The following NPAS3 variants were observed in gnomAD, a reference collection of about 807,000 sequenced individuals.
NPAS3 encodes the protein neuronal PAS domain protein 3.
A neutral mutation model predicts 73.1 loss-of-function variants in NPAS3; 14 were observed. The ratio of observed to expected loss-of-function variants is 0.19; its 90% CI spans 0.13 to 0.30. The LOEUF (loss-of-function observed/expected upper bound fraction) is 0.30. Among genes scored for constraint, NPAS3 ranks in the 10% least tolerant of loss-of-function variants. NPAS3 has a pLI of 1.00. For synonymous variants in NPAS3, 620 were observed against 541.5 expected (o/e 1.14, Z -2.01); for missense variants, 1,096 against 1,250.0 (o/e 0.88, Z 1.86).
intron 3 of NPAS3, among the ~76,000 whole-genome samples, chr14:33,227,945 A>G (rs1027206693): frequency 2.0e-5 from 3 of 152,136 alleles, no homozygotes; most frequent in Non-Finnish European, 2.9e-5. Flanking sequence ...CCTGAGTTCA[A>G]ATCTTTGGGA....
chr14:33,778,630 T>C (rs2062892559), intron 9 of NPAS3, 58 bp downstream of exon 9: 2 of 1,193,518 alleles, frequency 1.7e-6, no homozygotes, highest in Non-Finnish European at 2.5e-6. Context: ...CTCTGAGGCT[T>C]GTTTGGTTTC....
Position 33,699,629 on chromosome 14 carries a change from C to T in NPAS3, c.733+23244C>T, listed in dbSNP as rs139592424. On this transcript the variant is annotated intron_variant, in intron 6 of 11. Coordinates refer to ENST00000356141, the Ensembl canonical transcript of NPAS3. ...CATTCAATGCTGAAACCCTTTGCCT[C>T]GGCCAGAGTAATTAGAACTGTAATT... is the stretch of plus-strand genomic sequence containing the variant. 3.5e-3 allele frequency among the ~76,000 whole-genome samples: 526 copies of T among 152,274 alleles called. 4 individuals carry two copies. The highest frequency in any genetic ancestry group is 0.011 in the African/African-American group (453 of 41,550).
At chr14:33,131,244 T>C (rs745962146) in intron 2 of NPAS3, among the ~76,000 whole-genome samples, 5 of 152,162 alleles carry the variant, frequency 3.3e-5, no homozygotes, top group Non-Finnish European at 7.4e-5. Context: ...CATTAGGTCA[T>C]CTACTTGTAA....
chr14:33,311,171 T>G (rs2042986763), intron 3 of NPAS3, among the ~76,000 whole-genome samples: 1 of 152,128 alleles, frequency 6.6e-6, no homozygotes, highest in South Asian at 2.1e-4. Context: ...TGGGGTATTC[T>G]CTGGATGTTT....
At position 33,148,976 on chromosome 14, in the gene NPAS3, G is replaced by A. The variant is rs548307833; in HGVS notation, c.141-66206G>A. On this transcript the variant is annotated intron_variant, in intron 2 of 11. Coordinates refer to ENST00000356141, the Ensembl canonical transcript of NPAS3. ...TGCTAAGATACAGCTAGGATACCCC[G>A]CGAGCCACCGGGCCTGGCCTGGCCT... is the stretch of plus-strand genomic sequence containing the variant. Among the ~76,000 whole-genome samples the A allele has an allele frequency of 1.4e-4, 22 of 152,164 alleles. No individual in the cohort carries two copies. In the East Asian group the frequency reaches 4.1e-3, roughly 28 times the overall value.
chr14:33,706,412 A>G (rs1186774023), intron 6 of NPAS3, among the ~76,000 whole-genome samples: 3 of 152,188 alleles, frequency 2.0e-5, no homozygotes, highest in Admixed American at 2.0e-4. Context: ...TCATTCATCC[A>G]AACTCTAGAA....
intron 3 of NPAS3, among the ~76,000 whole-genome samples, chr14:33,366,384 A>G (rs556415393): frequency 6.6e-6 from 1 of 152,242 alleles, no homozygotes; most frequent in Non-Finnish European, 1.5e-5. Flanking sequence ...TTATTATTGC[A>G]TTAAACCCAC....
chr14:33,378,028 T>C (rs1327982295), intron 4 of NPAS3, among the ~76,000 whole-genome samples: 2 of 152,118 alleles, frequency 1.3e-5, no homozygotes, highest in African/African-American at 4.8e-5. Context: ...GCTAGTGGCT[T>C]TTGGATCACT....
chr14:32,968,580 T>G (rs1370578474), intron 1 of NPAS3, among the ~76,000 whole-genome samples: 1 of 152,202 alleles, frequency 6.6e-6, no homozygotes, highest in African/African-American at 2.4e-5. Flanking sequence ...TAATAAAGTT[T>G]AATAATAGTA....
intron 2 of NPAS3, among the ~76,000 whole-genome samples, chr14:33,120,941 G>A (rs1419638478): frequency 6.6e-6 from 1 of 151,922 alleles, no homozygotes; most frequent in Admixed American, 6.6e-5. Context: ...GTTCGTAATG[G>A]GTCTGTCTTC....
At chr14:33,298,652 G>A (rs57925223) in intron 3 of NPAS3, among the ~76,000 whole-genome samples, 372 of 151,986 alleles carry the variant, frequency 2.4e-3, no homozygotes, top group African/African-American at 8.6e-3. Context: ...TTGGTCTTTG[G>A]GTATCTACTA....
intron 10 of NPAS3, among the ~76,000 whole-genome samples, chr14:33,794,974 A>G (rs1341340209): frequency 3.3e-5 from 5 of 152,194 alleles, no homozygotes; most frequent in Admixed American, 6.5e-5. Context: ...AAAATTTCCA[A>G]TAGGTCTTGG....
At chr14:33,583,511 T>A (rs1595208943) in intron 5 of NPAS3, 1 of 152,216 alleles carries the variant, frequency 6.6e-6, no homozygotes, top group African/African-American at 2.4e-5. Context: ...CCCCTAAGAA[T>A]TGATCTATGA....
At chr14:33,394,370 C>A (rs2047133477) in intron 4 of NPAS3, among the ~76,000 whole-genome samples, 1 of 152,118 alleles carries the variant, frequency 6.6e-6, no homozygotes, top group South Asian at 2.1e-4. Flanking sequence ...ATTTCTTTTC[C>A]TCCTAGAACA....
At chr14:32,938,485 TTGAGAGAG>T (rs1490596673), upstream of NPAS3, among the ~76,000 whole-genome samples, 3 of 21,750 alleles carry the variant, frequency 1.4e-4, 1 homozygote, top group South Asian at 2.6e-3. Context: ...GAGAGAGAAA[TTGAGAGAG>T]AGAGAGAGAG....
downstream of NPAS3, chr14:33,801,147 G>T (rs1393549446): frequency 6.5e-7 from 1 of 1,541,594 alleles, no homozygotes; most frequent in Non-Finnish European, 8.7e-7. Flanking sequence ...GCCCCGCTTG[G>T]AGGAGGCATC....
intron 5 of NPAS3, among the ~76,000 whole-genome samples, chr14:33,668,909 A>G (rs527793888): frequency 2.3e-4 from 35 of 152,286 alleles, no homozygotes; most frequent in Non-Finnish European, 1.0e-4. Flanking sequence ...CATGCAATCA[A>G]AGGAGGAGGA....
intron 3 of NPAS3, among the ~76,000 whole-genome samples, chr14:33,230,682 A>G (rs1340326629): frequency 6.6e-6 from 1 of 152,224 alleles, no homozygotes; most frequent in Non-Finnish European, 1.5e-5. Context: ...AGTAAAGTGA[A>G]CTGTAGAATG....
In NPAS3 at chr14:33,051,515, C is replaced by G. The variant is rs546885223; in HGVS notation, c.51-4390C>G. 2.0e-5 allele frequency among the ~76,000 whole-genome samples: 3 copies of G among 152,066 alleles called. No homozygotes were observed. The South Asian group carries it at 6.2e-4, about 32-fold the overall frequency. ...CATTTGTAGCTATGAATGTCCACAT[C>G]AGAACTTTACAGGGCAAAAAATTTT... On this transcript the variant is annotated intron_variant, in intron 1 of 11. Coordinates refer to ENST00000356141, the Ensembl canonical transcript of NPAS3.
Sources: gnomAD v4.1 joint callset for allele counts (sites outside exome capture counted in the v4.1 genomes callset) on GRCh38, gnomAD v4.1.1 for gene constraint, MANE v1.5 for transcripts, NCBI Gene and HGNC (gene_info 2026-07-23, HGNC 2026-07-21) for gene names.